PRDM5: variants seen among roughly 807,000 people sequenced by gnomAD.
The protein encoded by PRDM5 is PR/SET domain 5.
Under a neutral mutation model 81.2 loss-of-function variants are expected in PRDM5, and 56 were observed. The ratio of observed to expected loss-of-function variants is 0.69; its 90% CI spans 0.56 to 0.86. PRDM5 has a LOEUF of 0.86. Among genes scored for constraint, PRDM5 ranks in the 40% least tolerant of loss-of-function variants. The pLI is 0.00. For synonymous variants in PRDM5, 267 were observed against 256.4 expected, an observed-to-expected ratio of 1.04 and a Z score of -0.39; for missense variants, 697 against 770.1, an observed-to-expected ratio of 0.91 and a Z score of 1.12.
chr4:120,727,418 A>G (rs1164861115), intron 14 of PRDM5, among the ~76,000 whole-genome samples: 1 of 152,158 alleles, frequency 6.6e-6, no homozygotes, highest in African/African-American at 2.4e-5. Flanking sequence ...AGTCCTGGGA[A>G]AGCCTCTAGA....
At chr4:120,707,444 A>C (rs1274747465) in intron 15 of PRDM5, among the ~76,000 whole-genome samples, 1 of 152,028 alleles carries the variant, frequency 6.6e-6, no homozygotes, top group East Asian at 1.9e-4. Context: ...CAACAAAATA[A>C]AGGGCATTTA....
At chr4:120,765,263 A>C (rs1258713836) in intron 13 of PRDM5, among the ~76,000 whole-genome samples, 1 of 152,230 alleles carries the variant, frequency 6.6e-6, no homozygotes, top group Admixed American at 6.5e-5. Context: ...TCAAATAACA[A>C]TGTGTAAGCA....
intron 2 of PRDM5, among the ~76,000 whole-genome samples, chr4:120,878,900 G>T (rs1174988971): frequency 6.6e-6 from 1 of 152,152 alleles, no homozygotes; most frequent in Non-Finnish European, 1.5e-5. Context: ...ATGCTGACAA[G>T]GACATGGGGC....
chr4:120,725,003 G>A (rs1319911617), intron 14 of PRDM5, among the ~76,000 whole-genome samples: 1 of 152,190 alleles, frequency 6.6e-6, no homozygotes, highest in Non-Finnish European at 1.5e-5. Context: ...TATTTGCACA[G>A]GTGAGGATTC....
intron 2 of PRDM5, among the ~76,000 whole-genome samples, chr4:120,904,049 G>T (rs1241715553): frequency 1.3e-5 from 2 of 151,798 alleles, no homozygotes; most frequent in Admixed American, 6.6e-5. Context: ...AATTAGCCAG[G>T]TGTGGTGGCA....
At chr4:120,738,665 G>T (rs1268971841) in intron 14 of PRDM5, among the ~76,000 whole-genome samples, 7 of 152,150 alleles carry the variant, frequency 4.6e-5, no homozygotes, top group Non-Finnish European at 1.0e-4. Flanking sequence ...GGTAAATGGT[G>T]ATATTGAGAT....
intron 3 of PRDM5, among the ~76,000 whole-genome samples, chr4:120,831,741 T>C (rs190349356): frequency 1.4e-4 from 21 of 152,138 alleles, no homozygotes; most frequent in African/African-American, 4.6e-4. Context: ...TGACAGCAAA[T>C]GCTAATGAGA....
At chr4:120,686,050 C>T (rs1474793512) in intron 1 of PRDM5, among the ~76,000 whole-genome samples, 2 of 151,922 alleles carry the variant, frequency 1.3e-5, no homozygotes, top group Non-Finnish European at 2.9e-5. Flanking sequence ...CCCCACCCAC[C>T]CCACTTCTCT....
intron 2 of PRDM5, among the ~76,000 whole-genome samples, 167 bp downstream of exon 2, chr4:120,907,307 C>G (rs1765916785): frequency 6.8e-6 from 1 of 147,630 alleles, no homozygotes. Flanking sequence ...GCACTCCAGC[C>G]TGGGCAACAA....
At chr4:120,761,721 A>G (rs1175386589) in intron 13 of PRDM5, among the ~76,000 whole-genome samples, 1 of 152,202 alleles carries the variant, frequency 6.6e-6, no homozygotes, top group Non-Finnish European at 1.5e-5. Flanking sequence ...CAATACATGA[A>G]ATTAATAAAG....
At chr4:120,818,786 C>A (rs1347459747) in intron 4 of PRDM5, among the ~76,000 whole-genome samples, 3 of 152,106 alleles carry the variant, frequency 2.0e-5, no homozygotes, top group Non-Finnish European at 4.4e-5. Flanking sequence ...TTTAATTCAT[C>A]CTATAATGTT....
At chr4:120,838,428 T>C (rs753964485) in intron 3 of PRDM5, 1 of 152,226 alleles carries the variant, frequency 6.6e-6, no homozygotes, top group South Asian at 2.1e-4. Context: ...TTTCTTTGTG[T>C]TGGGAACATT....
intron 3 of PRDM5, among the ~76,000 whole-genome samples, chr4:120,831,171 C>T (rs1171371058): frequency 6.6e-6 from 1 of 151,936 alleles, no homozygotes; most frequent in South Asian, 2.1e-4. Flanking sequence ...AGAGGGCAGC[C>T]GTTTTATAAA....
intron 14 of PRDM5, among the ~76,000 whole-genome samples, chr4:120,729,621 T>C (rs1406995351): frequency 6.6e-6 from 1 of 152,198 alleles, no homozygotes; most frequent in Non-Finnish European, 1.5e-5. Flanking sequence ...TTTGATTTCC[T>C]ACGATAAAAA....
rs150555431 is a variant in PRDM5, at chr4:120,792,900, C to G, written c.1188+5367G>C. ...AGGGTAGAACGGTGGTTGCCAGGAA[C>G]TAGGGGTAGAGGTAAAGGGGCAGGG... On this transcript the variant is annotated intron_variant, in intron 10 of 15. Coordinates refer to ENST00000264808, the MANE Select transcript of PRDM5 (RefSeq NM_018699.4). 8.4e-3 allele frequency among the ~76,000 whole-genome samples: 1,274 copies of G among 151,896 alleles called. 8 individuals carry two copies. Among genetic ancestry groups the G allele is most frequent in the Non-Finnish European group, 0.011 (747 of 67,950 alleles).
chr4:120,856,303 A>G (rs1019321080), intron 2 of PRDM5, among the ~76,000 whole-genome samples: 4 of 152,252 alleles, frequency 2.6e-5, no homozygotes, highest in African/African-American at 9.6e-5. Flanking sequence ...TCTCAGAACA[A>G]CACTATCACA....
chr4:120,686,626 A>T (rs1346300819), intron 1 of PRDM5, among the ~76,000 whole-genome samples: 1 of 152,082 alleles, frequency 6.6e-6, no homozygotes, highest in Non-Finnish European at 1.5e-5. Flanking sequence ...AAGAAATGTG[A>T]AAATGTCATT....
At chr4:120,854,068 G>A (rs2149422074) in intron 2 of PRDM5, among the ~76,000 whole-genome samples, 1 of 152,248 alleles carries the variant, frequency 6.6e-6, no homozygotes, top group South Asian at 2.1e-4. Flanking sequence ...CTTTACTTGT[G>A]AATGAATGAA....
At chr4:120,801,574 C>G (rs1752124247) in intron 8 of PRDM5, among the ~76,000 whole-genome samples, 1 of 152,236 alleles carries the variant, frequency 6.6e-6, no homozygotes, top group African/African-American at 2.4e-5. Context: ...CCACAAGAGT[C>G]TGACTTATCT....
Sources: gnomAD v4.1 joint callset for allele counts (sites outside exome capture counted in the v4.1 genomes callset) on GRCh38, gnomAD v4.1.1 for gene constraint, MANE v1.5 for transcripts, NCBI Gene and HGNC (gene_info 2026-07-23, HGNC 2026-07-21) for gene names.